The following ST8SIA5 variants were observed in gnomAD, a reference collection of about 807,000 sequenced individuals.
ST8SIA5 encodes the protein alpha-2,8-sialyltransferase 8E.
ST8SIA5 carries 24 observed loss-of-function variants against 40.2 expected under a neutral mutation model. That is an observed-to-expected ratio of 0.60 (90% CI 0.43 to 0.84). The LOEUF (loss-of-function observed/expected upper bound fraction) is 0.84. ST8SIA5 is among the 40% of genes least tolerant of loss of function. The probability of loss-of-function intolerance (pLI) is 0.00; values close to 1 mark genes in which losing one functional copy is unlikely to be tolerated. For missense variants in ST8SIA5, 465 were observed against 498.5 expected (o/e 0.93, Z 0.64); for synonymous variants, 198 against 201.8 (o/e 0.98, Z 0.16).
At chr18:46,734,188 C>T (rs8095567) in intron 1 of ST8SIA5, among the ~76,000 whole-genome samples, 16,853 of 152,218 alleles carry the variant, frequency 0.11, 1,080 homozygotes, top group South Asian at 0.13. Context: ...CTTGCCTGTC[C>T]ATGCTCCTGA....
chr18:46,723,503 GATCACAC>G (rs1281218602), intron 1 of ST8SIA5, among the ~76,000 whole-genome samples: 2 of 151,216 alleles, frequency 1.3e-5, no homozygotes, highest in Non-Finnish European at 3.0e-5. Flanking sequence ...AGTAAGCCGA[GATCACAC>G]TACTGCACTC....
intron 1 of ST8SIA5, among the ~76,000 whole-genome samples, chr18:46,751,872 G>A (rs1465496642): frequency 2.0e-5 from 3 of 152,112 alleles, no homozygotes; most frequent in Non-Finnish European, 4.4e-5. Flanking sequence ...AAACACTGAT[G>A]TCAGTGGTTG....
intron 1 of ST8SIA5, among the ~76,000 whole-genome samples, chr18:46,743,441 G>A (rs372867594): frequency 2.6e-5 from 4 of 152,094 alleles, no homozygotes; most frequent in East Asian, 1.9e-4. Flanking sequence ...TAGCCGATTC[G>A]ATCAAGTGGA....
intron 1 of ST8SIA5, among the ~76,000 whole-genome samples, chr18:46,746,684 C>A (rs1164612125): frequency 1.3e-5 from 2 of 152,100 alleles, no homozygotes; most frequent in Non-Finnish European, 2.9e-5. Context: ...CATCAAGCTA[C>A]CAATGACTTT....
Position 46,725,972 on chromosome 18 carries a change from A to AAAAATATATAT in ST8SIA5, c.132-21309_132-21308insATATATATTTT, listed in dbSNP as rs59660372. On this transcript the variant is annotated intron_variant, in intron 1 of 6. Transcript: ENST00000315087. ...CCCATCTCTACTTAAAAAAAAAAAAAATATATATATATATATATATATATA... is the reference window on the plus strand; with the variant it reads ...CCCATCTCTACTTAAAAAAAAAAAAAAAAATATATATATATATATATATATATATATATATA... 8.6e-3 allele frequency among the ~76,000 whole-genome samples: 248 copies of AAAAATATATAT among 28,934 alleles called. 8 individuals carry two copies. Among genetic ancestry groups the AAAAATATATAT allele is most frequent in the Non-Finnish European group, 0.011 (175 of 16,652 alleles). 19.0% of individuals were successfully genotyped at this position (28,934 alleles called of 152,430 possible). A position where few individuals can be genotyped will look rare whatever the true frequency, so the allele number is the denominator to read the frequency against.
intron 1 of ST8SIA5, among the ~76,000 whole-genome samples, chr18:46,741,405 T>C (rs1290485894): frequency 2.0e-5 from 3 of 152,210 alleles, no homozygotes; most frequent in Admixed American, 6.5e-5. Context: ...AGTTTTCCCA[T>C]ATGGAAAACA....
chr18:46,733,224 TGAAA>T (rs2040001734), intron 1 of ST8SIA5, among the ~76,000 whole-genome samples: 1 of 152,174 alleles, frequency 6.6e-6, no homozygotes. Context: ...ATGTTTTTAA[TGAAA>T]GAAAGTTTAA....
intron 4 of ST8SIA5, among the ~76,000 whole-genome samples, chr18:46,688,357 T>G (rs931874901): frequency 7.2e-5 from 11 of 152,218 alleles, no homozygotes; most frequent in Non-Finnish European, 1.2e-4. Context: ...GGTCATCAAG[T>G]GAGCTGAATC....
chr18:46,739,684 CCT>C (rs1436805020), intron 1 of ST8SIA5, among the ~76,000 whole-genome samples: 1 of 152,104 alleles, frequency 6.6e-6, no homozygotes, highest in Non-Finnish European at 1.5e-5. Flanking sequence ...ACTGAGAAGC[CCT>C]CTGGGGCAGG....
At chr18:46,700,639 G>A (rs1335481133) in intron 2 of ST8SIA5, among the ~76,000 whole-genome samples, 2 of 152,192 alleles carry the variant, frequency 1.3e-5, no homozygotes, top group Non-Finnish European at 2.9e-5. Flanking sequence ...CCAGGGCTTG[G>A]GGTCACAGAG....
intron 1 of ST8SIA5, among the ~76,000 whole-genome samples, chr18:46,706,140 C>A (rs914868725): frequency 6.6e-6 from 1 of 151,372 alleles, no homozygotes; most frequent in African/African-American, 2.4e-5. Context: ...GTTTTAAGTA[C>A]TATAATTACA....
intron 1 of ST8SIA5, among the ~76,000 whole-genome samples, chr18:46,743,858 C>T (rs1473564492): frequency 5.9e-5 from 9 of 152,174 alleles, no homozygotes; most frequent in Admixed American, 2.0e-4. Flanking sequence ...CAACTAACAG[C>T]GGATCTCTCA....
rs1157881431 is a variant in ST8SIA5 at position 46,670,739 on chromosome 18, C to G, written c.*9303G>C. The G allele has an allele frequency of 2.0e-5, 3 of 151,616 alleles. No homozygotes were observed. Among genetic ancestry groups the G allele is most frequent in the Non-Finnish European group, 4.4e-5 (3 of 67,964 alleles). The allele number at this position is 151,616 out of a possible 1,614,324, so 9.4% of individuals were successfully genotyped here. On this transcript the variant is annotated 3_prime_UTR_variant, in exon 7 of 7. Coordinates refer to ENST00000315087, the MANE Select transcript of ST8SIA5 (RefSeq NM_013305.6). ...GAGCCACCATGCCTGGACATATTTT[C>G]TTATCCTTAATGTAGTGTTTTTTTT...
intron 2 of ST8SIA5, among the ~76,000 whole-genome samples, chr18:46,694,268 A>G (rs2039534855): frequency 6.6e-6 from 1 of 152,094 alleles, no homozygotes; most frequent in Non-Finnish European, 1.5e-5. Context: ...ATGGTCAAAT[A>G]TAGTTGGGGA....
At chr18:46,752,697 C>T (rs951854139) in intron 1 of ST8SIA5, among the ~76,000 whole-genome samples, 8 of 152,210 alleles carry the variant, frequency 5.3e-5, no homozygotes, top group Admixed American at 5.2e-4. Context: ...ACTCACAGCC[C>T]CACTGCCATT....
At chr18:46,705,222 G>A (rs192254213) in intron 1 of ST8SIA5, among the ~76,000 whole-genome samples, 87 of 152,308 alleles carry the variant, frequency 5.7e-4, no homozygotes, top group African/African-American at 1.9e-3. Context: ...CATACTGTCC[G>A]TGTAGGGCAG....
At chr18:46,693,799 A>T (rs959888157) in intron 2 of ST8SIA5, among the ~76,000 whole-genome samples, 56 of 152,280 alleles carry the variant, frequency 3.7e-4, no homozygotes, top group African/African-American at 1.3e-3. Context: ...CACCCTTCTT[A>T]TCAGTTTCTC....
intron 5 of ST8SIA5, 23 bp downstream of exon 5, chr18:46,686,151 G>T: frequency 6.2e-7 from 1 of 1,609,246 alleles, no homozygotes; most frequent in South Asian, 1.1e-5. Context: ...TAGTGGCAAG[G>T]GCAGTGCCAG....
chr18:46,736,210 G>A (rs1430554274), intron 1 of ST8SIA5, among the ~76,000 whole-genome samples: 1 of 152,164 alleles, frequency 6.6e-6, no homozygotes, highest in East Asian at 1.9e-4. Flanking sequence ...TGTACAGACA[G>A]CATGTCTCAA....
Sources: gnomAD v4.1 joint callset for allele counts (sites outside exome capture counted in the v4.1 genomes callset) on GRCh38, gnomAD v4.1.1 for gene constraint, MANE v1.5 for transcripts, NCBI Gene and HGNC (gene_info 2026-07-23, HGNC 2026-07-21) for gene names.